Variants in BRSK2 observed in about 807,000 individuals in gnomAD.
BRSK2 encodes serine/threonine-protein kinase BRSK2.
A neutral mutation model predicts 83.3 loss-of-function variants in BRSK2; 19 were observed. The observed-to-expected ratio is 0.23, with a 90% CI of 0.16 to 0.33. The LOEUF (loss-of-function observed/expected upper bound fraction) is 0.33. Among genes scored for constraint, BRSK2 ranks in the 10% least tolerant of loss-of-function variants. The pLI is 1.00. For missense variants in BRSK2, 798 were observed against 1,042.3 expected, an observed-to-expected ratio of 0.77 and a Z score of 3.23; for synonymous variants, 519 against 435.4, an observed-to-expected ratio of 1.19 and a Z score of -2.39.
At chr11:1,422,151 C>G (rs897899017) in intron 1 of BRSK2, among the ~76,000 whole-genome samples, 2 of 152,158 alleles carry the variant, frequency 1.3e-5, no homozygotes, top group Non-Finnish European at 2.9e-5. Context: ...AGCTGTGGGC[C>G]CCCCATGAGC....
intron 18 of BRSK2, 150 bp from the exon 19 acceptor site, chr11:1,459,042 T>A: frequency 1.5e-6 from 1 of 681,662 alleles, no homozygotes; most frequent in Non-Finnish European, 2.5e-6. Flanking sequence ...CCTCTGGCTC[T>A]GGCCCCCCCA....
chr11:1,421,491 G>A (rs1294074483), intron 1 of BRSK2, among the ~76,000 whole-genome samples: 4 of 152,204 alleles, frequency 2.6e-5, no homozygotes, highest in Admixed American at 6.5e-5. Flanking sequence ...GCAGCGGAGC[G>A]GCTGCAGTGC....
intron 1 of BRSK2, among the ~76,000 whole-genome samples, chr11:1,394,293 G>A (rs1296152694): frequency 7.6e-6 from 1 of 131,086 alleles, no homozygotes; most frequent in African/African-American, 3.0e-5. Context: ...ATGGGCCATG[G>A]AGATGGGCCC....
In BRSK2 at chr11:1,390,951, C is replaced by T. The variant is rs1845688755; in HGVS notation, c.91+576C>T. 6.6e-6 allele frequency among the ~76,000 whole-genome samples: 1 copy of T among 152,066 alleles called. No individual in the cohort carries two copies. Among genetic ancestry groups the T allele is most frequent in the African/African-American group, 2.4e-5 (1 of 41,414 alleles). On this transcript the variant is annotated intron_variant, in intron 1 of 19. Coordinates refer to ENST00000528841, the MANE Select transcript of BRSK2 (RefSeq NM_001256627.2). The surrounding 1 kb of genome is among the most constrained non-coding windows in gnomAD (Gnocchi z 6.8). ...CCGGCTCGGGCTCGGGCGGGCGGAG[C>T]GTCTGTGACCTGCATTCCCACGGGG...
At chr11:1,405,696 C>T (rs1281060623) in intron 1 of BRSK2, among the ~76,000 whole-genome samples, 2 of 152,094 alleles carry the variant, frequency 1.3e-5, no homozygotes, top group Non-Finnish European at 2.9e-5. Flanking sequence ...AGATGGGGTG[C>T]GGAGCTCTTG....
chr11:1,414,917 C>T (rs1847930191), intron 1 of BRSK2, among the ~76,000 whole-genome samples: 1 of 152,124 alleles, frequency 6.6e-6, no homozygotes, highest in African/African-American at 2.4e-5. Flanking sequence ...AGGCTGAACG[C>T]ACTTACCTGT....
intron 12 of BRSK2, chr11:1,447,872 C>T: frequency 1.3e-6 from 2 of 1,592,412 alleles, no homozygotes; most frequent in Non-Finnish European, 1.7e-6. Context: ...AGGTATACAC[C>T]CCGACCACCC....
chr11:1,425,671 C>T (rs972800355), intron 1 of BRSK2, among the ~76,000 whole-genome samples: 1 of 152,212 alleles, frequency 6.6e-6, no homozygotes, highest in Non-Finnish European at 1.5e-5. Context: ...GAGCCCCCCA[C>T]ACCCCCGCTC....
intron 12 of BRSK2, among the ~76,000 whole-genome samples, chr11:1,446,134 G>GCTGGA (rs1163276382): frequency 7.5e-5 from 11 of 146,772 alleles, no homozygotes; most frequent in Non-Finnish European, 1.2e-4. Flanking sequence ...GCTGGGCTGT[G>GCTGGA]CTGGACTGGA....
rs367680175 is a variant in BRSK2 at position 1,440,818 on chromosome 11, T to C, written c.303T>C (p.Gly101=). Residue 101 remains glycine (G), a synonymous_variant, in exon 4 of 20, where the codon GGT becomes GGC. Coordinates refer to ENST00000528841, the MANE Select transcript of BRSK2 (RefSeq NM_001256627.2). ...TGGTGCTAGAACACGTGTCAGGTGG[T>C]GAGCTCTTCGACTACCTGGTGAAGA... ...LYLVLEHVSG[G]ELFDYLVKKG... is the part of the protein sequence containing the mutation. 1.9e-6 allele frequency: 3 copies of C among 1,589,170 alleles called. No individual in the cohort carries two copies. The highest frequency in any genetic ancestry group is 2.7e-5 in the African/African-American group (2 of 74,536).
chr11:1,437,343 C>T (rs961702621), intron 2 of BRSK2, among the ~76,000 whole-genome samples: 38 of 152,232 alleles, frequency 2.5e-4, no homozygotes, highest in African/African-American at 8.9e-4. Context: ...GCTCCAAAGC[C>T]TGGTCCACGC....
intron 19 of BRSK2, among the ~76,000 whole-genome samples, chr11:1,459,881 T>C (rs1210583253): frequency 6.6e-6 from 1 of 152,166 alleles, no homozygotes; most frequent in Non-Finnish European, 1.5e-5. Context: ...TGCTAAACTG[T>C]GTCCAAGCTG....
At chr11:1,439,300 T>G (rs767266181) in intron 3 of BRSK2, among the ~76,000 whole-genome samples, 26 of 151,796 alleles carry the variant, frequency 1.7e-4, no homozygotes, top group Non-Finnish European at 3.5e-4. Context: ...GTGGGGAGCA[T>G]GTGCAGGTGG....
intron 1 of BRSK2, among the ~76,000 whole-genome samples, chr11:1,393,141 C>T (rs922234132): frequency 2.6e-5 from 4 of 152,216 alleles, no homozygotes; most frequent in African/African-American, 9.7e-5. Flanking sequence ...GACACAGTCC[C>T]TGCCAGCAAG....
At chr11:1,410,982 G>A (rs776265993) in intron 1 of BRSK2, 3 of 979,058 alleles carry the variant, frequency 3.1e-6, no homozygotes, top group Admixed American at 6.0e-5. Context: ...CCCCGCTGAG[G>A]GGGGCAGGAG....
intron 1 of BRSK2, among the ~76,000 whole-genome samples, chr11:1,414,129 G>A (rs906715979): frequency 1.3e-5 from 2 of 152,234 alleles, no homozygotes; most frequent in African/African-American, 4.8e-5. Context: ...TCAAATTAAA[G>A]ATACTCAAAT....
intron 1 of BRSK2, among the ~76,000 whole-genome samples, chr11:1,400,934 T>C (rs1846434531): frequency 6.6e-6 from 1 of 152,252 alleles, no homozygotes; most frequent in South Asian, 2.1e-4. Flanking sequence ...CGGGGCCGTG[T>C]GACCCTCCTT....
chr11:1,418,713 T>G (rs986794985), intron 1 of BRSK2, among the ~76,000 whole-genome samples: 4 of 152,280 alleles, frequency 2.6e-5, no homozygotes, highest in African/African-American at 4.8e-5. Context: ...TGTTGGATAC[T>G]GCATGTTGTT....
intron 8 of BRSK2, among the ~76,000 whole-genome samples, chr11:1,444,721 C>T (rs1851783068): frequency 1.3e-5 from 2 of 151,874 alleles, no homozygotes; most frequent in Admixed American, 6.6e-5. Context: ...CCAGCTCCCC[C>T]GACTTCTCTC....
Sources: gnomAD v4.1 joint callset for allele counts (sites outside exome capture counted in the v4.1 genomes callset) on GRCh38, gnomAD v4.1.1 for gene constraint, Gnocchi (gnomAD v3.1) non-coding constraint, MANE v1.5 for transcripts, NCBI Gene and HGNC (gene_info 2026-07-23, HGNC 2026-07-21) for gene names.